AXDND1: variants seen among roughly 807,000 people sequenced by gnomAD.
The protein encoded by AXDND1 is axonemal dynein light chain domain-containing protein 1.
AXDND1 carries 110 observed loss-of-function variants against 137.5 expected under a neutral mutation model. That is an observed-to-expected ratio of 0.80 (90% CI 0.69 to 0.94). The LOEUF (loss-of-function observed/expected upper bound fraction) is 0.94, where lower values mean the gene tolerates loss of function less well. AXDND1 is among the 40% of genes least tolerant of loss of function. AXDND1 has a pLI of 0.00. For missense variants in AXDND1, 1,191 were observed against 1,169.8 expected, an observed-to-expected ratio of 1.02 and a Z score of -0.26; for synonymous variants, 414 against 399.7, an observed-to-expected ratio of 1.04 and a Z score of -0.43.
intron 21 of AXDND1, among the ~76,000 whole-genome samples, chr1:179,511,029 C>A (rs929102721): frequency 6.6e-6 from 1 of 151,590 alleles, no homozygotes; most frequent in Non-Finnish European, 1.5e-5. Flanking sequence ...ACTTCACTTA[C>A]AATAAGAGTC....
At position 179,492,955 on chromosome 1, in the gene AXDND1, A is replaced by G; in HGVS notation, c.2388+4A>G. The G allele has an allele frequency of 6.4e-7, 1 of 1,568,508 alleles. No homozygotes were observed. The highest frequency in any genetic ancestry group is 8.7e-7 in the Non-Finnish European group (1 of 1,153,136). On this transcript the variant is annotated splice_donor_region_variant and intron_variant, in intron 20 of 25. Transcript: ENST00000367618. ...TTATGAGGTGGATAAGTTGAAGGTAATAACTCTGTCTTCCCCTTAGTTTTG... is the reference window on the plus strand; with the variant it reads ...TTATGAGGTGGATAAGTTGAAGGTAGTAACTCTGTCTTCCCCTTAGTTTTG...
At chr1:179,460,967 G>A (rs963569778) in intron 16 of AXDND1, among the ~76,000 whole-genome samples, 20 of 152,158 alleles carry the variant, frequency 1.3e-4, no homozygotes, top group African/African-American at 4.3e-4. Context: ...TGTCAGATGG[G>A]TAGATTCTAA....
chr1:179,503,870 T>C (rs1668270482), intron 20 of AXDND1, among the ~76,000 whole-genome samples: 1 of 152,144 alleles, frequency 6.6e-6, no homozygotes, highest in Non-Finnish European at 1.5e-5. Context: ...AGTAGGGTAA[T>C]CCCCATGCTA....
intron 25 of AXDND1, among the ~76,000 whole-genome samples, chr1:179,549,568 T>A (rs1672997383): frequency 6.6e-6 from 1 of 152,092 alleles, no homozygotes; most frequent in South Asian, 2.1e-4. Flanking sequence ...TAAAAGCCAT[T>A]TTTACCCTGG....
At chr1:179,406,402 GTTTC>G (rs1652981035) in intron 11 of AXDND1, among the ~76,000 whole-genome samples, 3 of 152,096 alleles carry the variant, frequency 2.0e-5, no homozygotes, top group South Asian at 4.1e-4. Context: ...TAAATCCAAT[GTTTC>G]TTTGTTAACT....
At chr1:179,403,680 TCTC>T (rs1448828202) in intron 11 of AXDND1, among the ~76,000 whole-genome samples, 4 of 152,244 alleles carry the variant, frequency 2.6e-5, no homozygotes, top group East Asian at 3.9e-4. Flanking sequence ...TTCAAGTGAT[TCTC>T]CTGCCTCAGC....
At chr1:179,481,145 C>A (rs1456085882) in intron 17 of AXDND1, among the ~76,000 whole-genome samples, 1 of 152,044 alleles carries the variant, frequency 6.6e-6, no homozygotes, top group African/African-American at 2.4e-5. Flanking sequence ...TTCCCCACCC[C>A]ACAACAGGCC....
In AXDND1 at chr1:179,492,860, G is replaced by A. The variant is rs1374046843; in HGVS notation, c.2297G>A (p.Cys766Tyr). 1 of 1,595,092 alleles carries A rather than the reference G, an allele frequency of 6.3e-7. No individual in the cohort carries two copies. The highest frequency in any genetic ancestry group is 8.5e-7 in the Non-Finnish European group (1 of 1,173,286). The part of the protein sequence containing the change: ...YQYSSYLSSC[C>Y]KGMVTAMALS... ...TTTTTTCCCCCTTTTTGCAGTTGTTGCAAAGGGATGGTAACAGCAATGGCT... is the reference window on the plus strand; with the variant it reads ...TTTTTTCCCCCTTTTTGCAGTTGTTACAAAGGGATGGTAACAGCAATGGCT... The change falls in exon 20 of 26, where the codon TGC becomes TAC. Residue 766 changes from cysteine to tyrosine, a missense_variant. By Grantham distance (194) the Cys-to-Tyr change is radical (BLOSUM62 -2). Coordinates refer to ENST00000367618, the MANE Select transcript of AXDND1 (RefSeq NM_144696.6).
chr1:179,389,310 A>G (rs1649749550), intron 9 of AXDND1, among the ~76,000 whole-genome samples: 1 of 152,106 alleles, frequency 6.6e-6, no homozygotes, highest in Non-Finnish European at 1.5e-5. Context: ...CAAACATTTC[A>G]TGCGTAGTCT....
chr1:179,551,283 T>G (rs754243843), intron 25 of AXDND1: 1 of 1,614,038 alleles, frequency 6.2e-7, no homozygotes, highest in South Asian at 1.1e-5. Context: ...GACAGGCAAT[T>G]CAGTAGGTCA....
chr1:179,507,649 G>A (rs944461486), intron 20 of AXDND1, among the ~76,000 whole-genome samples: 6 of 152,092 alleles, frequency 3.9e-5, no homozygotes, highest in Admixed American at 2.0e-4. Flanking sequence ...CCTGGTGAGA[G>A]TGTTTTCACC....
chr1:179,406,626 T>G (rs1653013845), intron 11 of AXDND1, among the ~76,000 whole-genome samples: 1 of 152,166 alleles, frequency 6.6e-6, no homozygotes, highest in African/African-American at 2.4e-5. Context: ...TGTCTCTTTT[T>G]ATAGATTTTG....
At chr1:179,528,267 G>T in intron 22 of AXDND1, 60 bp from the exon 23 acceptor site, 1 of 1,247,754 alleles carries the variant, frequency 8.0e-7, no homozygotes, top group East Asian at 2.4e-5. Flanking sequence ...TACCGTGCCA[G>T]GAAACTTGCT....
chr1:179,488,420 T>TTTTG (rs148532427), intron 18 of AXDND1, among the ~76,000 whole-genome samples: 5 of 147,948 alleles, frequency 3.4e-5, no homozygotes, highest in Non-Finnish European at 6.0e-5. Context: ...GTGTGGTTTT[T>TTTTG]TTTGTTTGTT....
In AXDND1 at chr1:179,445,104, G is replaced by A. The variant is rs752246484; in HGVS notation, c.1698G>A (p.Leu566=). The A allele has an allele frequency of 1.9e-6, 3 of 1,613,362 alleles. No homozygotes were observed. Among genetic ancestry groups the A allele is most frequent in the Non-Finnish European group, 2.5e-6 (3 of 1,179,584 alleles). Residue 566 remains leucine (L), a synonymous_variant, in exon 16 of 26, where the codon TTG becomes TTA. Coordinates refer to ENST00000367618, the MANE Select transcript of AXDND1 (RefSeq NM_144696.6). ...GLGIFNRHKS[L]EGEMPSERQY... ...GGATATTTAATCGGCATAAAAGTTT[G>A]GAGGGGGAGATGCCATCAGAGCGAC...
intron 9 of AXDND1, among the ~76,000 whole-genome samples, chr1:179,390,460 T>C (rs754623719): frequency 6.6e-6 from 1 of 152,254 alleles, no homozygotes; most frequent in Non-Finnish European, 1.5e-5. Context: ...TGTGTTTAAA[T>C]AGTTGTCGTT....
chr1:179,444,590 A>G (rs1265052658), intron 15 of AXDND1, among the ~76,000 whole-genome samples: 1 of 152,116 alleles, frequency 6.6e-6, no homozygotes, highest in Non-Finnish European at 1.5e-5. Flanking sequence ...TGTATATTCT[A>G]GGAACTTTCC....
intron 17 of AXDND1, 41 bp downstream of exon 17, chr1:179,468,682 C>T (rs72719297): frequency 0.062 from 93,458 of 1,510,560 alleles, 3,356 homozygotes; most frequent in Non-Finnish European, 0.071. Flanking sequence ...GATAATTTTC[C>T]TAAAGGTTTG....
intron 25 of AXDND1, among the ~76,000 whole-genome samples, chr1:179,537,731 T>C (rs1671695659): frequency 6.6e-6 from 1 of 151,836 alleles, no homozygotes; most frequent in South Asian, 2.1e-4. Flanking sequence ...CAGGATTCCC[T>C]TTTTTTTATT....
Sources: allele counts gnomAD v4.1 joint callset (sites outside exome capture counted in the v4.1 genomes callset), GRCh38; gene constraint gnomAD v4.1.1; transcripts MANE v1.5; gene names NCBI Gene and HGNC (gene_info 2026-07-23, HGNC 2026-07-21).